The following IL24 variants were observed in gnomAD, a reference collection of about 807,000 sequenced individuals.
IL24 encodes interleukin-24.
In IL24, 24 loss-of-function variants were observed where a neutral mutation model predicts 27.6. That is an observed-to-expected ratio of 0.87 (90% CI 0.63 to 1.22). The LOEUF (loss-of-function observed/expected upper bound fraction) is 1.22. IL24 is among the 50% of genes most tolerant of loss of function. The pLI, the probability that IL24 is intolerant of heterozygous loss-of-function variation, is 0.00. For missense variants in IL24, 240 were observed against 237.0 expected (o/e 1.01, Z -0.08); for synonymous variants, 99 against 93.1 (o/e 1.06, Z -0.36).
In IL24 at chr1:206,903,247, C is replaced by T. The variant is rs1678470937; in HGVS notation, c.*188C>T. The T allele has an allele frequency of 1.7e-6, 1 of 581,094 alleles. No homozygotes were observed. The highest frequency in any genetic ancestry group is 3.1e-6 in the Non-Finnish European group (1 of 322,638). The allele number at this position is 581,094 out of a possible 1,614,324, so 36.0% of individuals were successfully genotyped here. A position where few individuals can be genotyped will look rare whatever the true frequency, so the allele number is the denominator to read the frequency against. ...CCAGTGACAGTCAGGGAAGGTGCCT[C>T]TGGATGCTGTGAAGAGTCTACAGAG... On this transcript the variant is annotated 3_prime_UTR_variant, in exon 7 of 7. Coordinates refer to ENST00000294984, the MANE Select transcript of IL24 (RefSeq NM_006850.3).
At chr1:206,902,256 T>A (rs910863141) in intron 6 of IL24, 184 bp downstream of exon 6, 8 of 985,316 alleles carry the variant, frequency 8.1e-6, no homozygotes, top group Non-Finnish European at 9.6e-6. Context: ...CTAAGTGGTC[T>A]TTTTTCTTCC....
chr1:206,901,708 T>C, intron 5 of IL24, 56 bp downstream of exon 5: 1 of 1,472,096 alleles, frequency 6.8e-7, no homozygotes, highest in Non-Finnish European at 9.4e-7. Context: ...TAGGTCTGCT[T>C]CCAATCTGCT....
rs1572606728 is a variant in IL24 at position 206,901,552 on chromosome 1, T to C, written c.362T>C (p.Phe121Ser). ...CTGGAGTTCTACTTGAAAACTGTTTTCAAAAACTACCACAATAGAACAGTT... is the reference window on the plus strand; with the variant it reads ...CTGGAGTTCTACTTGAAAACTGTTTCCAAAAACTACCACAATAGAACAGTT... The part of the protein sequence containing the change: ...TLLEFYLKTV[F>S]KNYHNRTVEV... Residue 121 changes from phenylalanine (F) to serine (S), a missense_variant, in exon 5 of 7, where the codon TTC becomes TCC. Transcript: ENST00000294984. 1 of 1,614,136 alleles carries C rather than the reference T, an allele frequency of 6.2e-7. No homozygotes were observed. The highest frequency in any genetic ancestry group is 8.5e-7 in the Non-Finnish European group (1 of 1,180,010).
intron 5 of IL24, 68 bp downstream of exon 5, chr1:206,901,720 G>A (rs1678389733): frequency 1.4e-6 from 2 of 1,396,284 alleles, no homozygotes; most frequent in Admixed American, 3.7e-5. Flanking sequence ...CAATCTGCTG[G>A]GTGACCCTCT....
intron 2 of IL24, among the ~76,000 whole-genome samples, chr1:206,898,694 TA>T (rs971592017): frequency 6.6e-6 from 1 of 152,130 alleles, no homozygotes; most frequent in Non-Finnish European, 1.5e-5. Context: ...ATTTGGTTAC[TA>T]AAAAAAGTGA....
intron 5 of IL24, 152 bp from the exon 6 acceptor site, chr1:206,901,846 G>T: frequency 1.2e-6 from 1 of 858,070 alleles, no homozygotes; most frequent in Non-Finnish European, 1.8e-6. Context: ...CACAAGGTGG[G>T]AGTTTGGTAT....
In IL24 at chr1:206,899,411, G is replaced by A; in HGVS notation, c.136G>A (p.Val46Ile). Residue 46 changes from valine to isoleucine, a missense_variant, in exon 3 of 7, where the codon GTA becomes ATA. By Grantham distance (29) the Val-to-Ile change is conservative. Transcript: ENST00000294984. ...LGFTLLLWSQ[V>I]SGAQGQEFHF... ...TTTTACCCTGCTTCTCTGGAGCCAG[G>A]TATCAGGGGCCCAGGGCCAAGAATT... is the stretch of plus-strand genomic sequence containing the variant. 2 of 1,614,210 alleles carry A rather than the reference G, an allele frequency of 1.2e-6. No homozygotes were observed. Among genetic ancestry groups the A allele is most frequent in the Non-Finnish European group, 1.7e-6 (2 of 1,180,036 alleles).
Position 206,903,555 on chromosome 1 carries a change from T to A in IL24, c.*496T>A, listed in dbSNP as rs1063304. On this transcript the variant is annotated 3_prime_UTR_variant, in exon 7 of 7. Transcript: ENST00000294984. The stretch of plus-strand genomic sequence containing the variant: ...TCAGAGCATGAAAATCACACTGTCT[T>A]CTGATATCTGCAGGGACAGAGCATT... 6.2e-6 allele frequency: 1 copy of A among 161,328 alleles called. No individual in the cohort carries two copies. The highest frequency in any genetic ancestry group is 1.4e-5 in the Non-Finnish European group (1 of 73,012). 10.0% of individuals were successfully genotyped at this position (161,328 alleles called of 1,614,324 possible).
intron 4 of IL24, among the ~76,000 whole-genome samples, chr1:206,900,564 G>T (rs3093445): frequency 6.6e-6 from 1 of 152,310 alleles, no homozygotes; most frequent in African/African-American, 2.4e-5. Context: ...TGGGAGATGG[G>T]GAAGGTGGAG....
Position 206,903,397 on chromosome 1 carries a change from C to G in IL24, c.*338C>G, listed in dbSNP as rs1001396694. The G allele has an allele frequency of 5.6e-5, 13 of 232,472 alleles. 1 individual carries two copies. Among genetic ancestry groups the G allele is most frequent in the Admixed American group, 2.0e-4 (4 of 19,628 alleles). 14.4% of individuals were successfully genotyped at this position (232,472 alleles called of 1,614,324 possible). A position where few individuals can be genotyped will look rare whatever the true frequency, so the allele number is the denominator to read the frequency against. ...ATATTGTGCCCCATGCTTCTTTACC[C>G]CTCACAATCCTTGCCACAGTGTGGG... On this transcript the variant is annotated 3_prime_UTR_variant, in exon 7 of 7. Transcript: ENST00000294984.
chr1:206,897,718 A>G lies in IL24; in HGVS notation c.-102-13A>G. 2 of 1,032,054 alleles carry G rather than the reference A, an allele frequency of 1.9e-6. No homozygotes were observed. Among genetic ancestry groups the G allele is most frequent in the East Asian group, 2.5e-5 (1 of 39,420 alleles). 63.9% of individuals were successfully genotyped at this position (1,032,054 alleles called of 1,614,324 possible). ...GGGACAGCAGAAGTCAATTTTTTTG[A>G]GTGTTGATGTAGGGACAAGACATGA... On this transcript the variant is annotated splice_polypyrimidine_tract_variant and intron_variant, in intron 1 of 6. Coordinates refer to ENST00000294984, the MANE Select transcript of IL24 (RefSeq NM_006850.3).
intron 6 of IL24, chr1:206,902,718 C>T (rs1678443204): frequency 2.0e-6 from 2 of 985,366 alleles, no homozygotes; most frequent in Non-Finnish European, 2.4e-6. Flanking sequence ...TTTGTGGTTG[C>T]TGTTGTTAGG....
At chr1:206,900,840 T>C (rs1049309113) in intron 4 of IL24, among the ~76,000 whole-genome samples, 12 of 151,884 alleles carry the variant, frequency 7.9e-5, no homozygotes, top group African/African-American at 2.7e-4. Context: ...TTTCTTTCTG[T>C]CATGTGAGCT....
intron 2 of IL24, 86 bp from the exon 3 acceptor site, chr1:206,899,234 G>T: frequency 7.2e-7 from 1 of 1,389,108 alleles, no homozygotes. Context: ...AGATTGGCCC[G>T]GGGAGACCCT....
chr1:206,899,511 C>T lies in IL24; in HGVS notation c.236C>T (p.Thr79Ile). 2 of 1,596,368 alleles carry T rather than the reference C, an allele frequency of 1.3e-6. No homozygotes were observed. Among genetic ancestry groups the T allele is most frequent in the Non-Finnish European group, 1.7e-6 (2 of 1,171,634 alleles). The stretch of plus-strand genomic sequence containing the variant: ...GAAGCCTTCTGGGCTGTGAAAGACA[C>T]TATGGTGAGTAAAGTGCTGTTCTGG... ...LWEAFWAVKD[T>I]MQAQDNITSA... The change falls in exon 3 of 7, where the codon ACT becomes ATT. Residue 79 changes from threonine to isoleucine, a missense_variant. Transcript: ENST00000294984.
rs746540028 is a variant in IL24, at chr1:206,901,562, C to A, written c.372C>A (p.Tyr124Ter). The A allele has an allele frequency of 5.6e-6, 9 of 1,614,082 alleles. No individual in the cohort carries two copies. The South Asian group carries it at 9.9e-5, about 18-fold the overall frequency. The change falls in exon 5 of 7, where the codon TAC becomes TAA. Residue 124 changes from tyrosine to a stop codon, truncating the protein, a stop_gained. Coordinates refer to ENST00000294984, the MANE Select transcript of IL24 (RefSeq NM_006850.3). LOFTEE classifies it high-confidence loss of function. The part of the protein sequence containing the change: ...EFYLKTVFKN[Y>*]HNRTVEVRTL... ...ACTTGAAAACTGTTTTCAAAAACTA[C>A]CACAATAGAACAGTTGAAGTCAGGA...
At chr1:206,898,104 T>A (rs1678228608) in intron 2 of IL24, among the ~76,000 whole-genome samples, 1 of 148,772 alleles carries the variant, frequency 6.7e-6, no homozygotes, top group South Asian at 2.1e-4. Context: ...TAGGCAGAGG[T>A]TGCAGTGAGC....
intron 3 of IL24, 152 bp from the exon 4 acceptor site, chr1:206,900,143 C>T: frequency 1.4e-6 from 1 of 711,268 alleles, no homozygotes; most frequent in Non-Finnish European, 2.4e-6. Context: ...CAGCTCAGCC[C>T]AGTCCTTCCT....
rs111525749 is a variant in IL24, at chr1:206,904,049, C to T, written c.*990C>T. Reference sequence around the variant, plus strand: ...TATAACCTTGTTCCAAAAACCTAGGCAAAGAGTATATGTAGGAGGTGGGAT... The same window carrying T: ...TATAACCTTGTTCCAAAAACCTAGGTAAAGAGTATATGTAGGAGGTGGGAT... On this transcript the variant is annotated 3_prime_UTR_variant, in exon 7 of 7. Coordinates refer to ENST00000294984, the MANE Select transcript of IL24 (RefSeq NM_006850.3). 1.3e-5 allele frequency: 2 copies of T among 152,278 alleles called. No homozygotes were observed. The highest frequency in any genetic ancestry group is 2.9e-5 in the Non-Finnish European group (2 of 68,026). 9.4% of individuals were successfully genotyped at this position (152,278 alleles called of 1,614,324 possible). A position where few individuals can be genotyped will look rare whatever the true frequency, so the allele number is the denominator to read the frequency against.
Sources: allele counts gnomAD v4.1 joint callset (sites outside exome capture counted in the v4.1 genomes callset), GRCh38; gene constraint gnomAD v4.1.1; transcripts MANE v1.5; gene names NCBI Gene and HGNC (gene_info 2026-07-23, HGNC 2026-07-21).